Variants in SLC35F2 observed in about 807,000 individuals in gnomAD.
SLC35F2 encodes the protein queuine/queuosine transporter SLC35F2.
A neutral mutation model predicts 38.1 loss-of-function variants in SLC35F2; 25 were observed. The ratio of observed to expected loss-of-function variants is 0.66; its 90% CI spans 0.48 to 0.92. The LOEUF is 0.92. Ranked by LOEUF, SLC35F2 falls within the 40% of genes least tolerant of loss-of-function variation. SLC35F2 has a pLI of 0.00. For synonymous variants in SLC35F2, 173 were observed against 181.7 expected, an observed-to-expected ratio of 0.95 and a Z score of 0.38; for missense variants, 409 against 452.9, an observed-to-expected ratio of 0.90 and a Z score of 0.88.
At position 107,831,340 on chromosome 11, in the gene SLC35F2, C is replaced by A. The variant is rs76920397; in HGVS notation, c.111-15375G>T. On this transcript the variant is annotated intron_variant, in intron 1 of 7. Transcript: ENST00000525815. ...GTGATAGTATTTGCTCCCATCTCAG[C>A]CTACCACATAGCTGGGACTACAGGC... 3.4e-3 allele frequency among the ~76,000 whole-genome samples: 525 copies of A among 152,298 alleles called. 1 individual carries two copies. The highest frequency in any genetic ancestry group is 0.012 in the African/African-American group (499 of 41,564).
intron 1 of SLC35F2, among the ~76,000 whole-genome samples, chr11:107,828,433 CAAAA>C (rs201937489): frequency 2.3e-5 from 2 of 88,518 alleles, no homozygotes; most frequent in East Asian, 3.5e-4. Context: ...AACTCCATCT[CAAAA>C]AAAAAAAAAA....
intron 7 of SLC35F2, among the ~76,000 whole-genome samples, chr11:107,800,910 T>A (rs545171881): frequency 6.8e-6 from 1 of 148,078 alleles, no homozygotes; most frequent in East Asian, 2.0e-4. Context: ...CTACTTTTTT[T>A]TTTTTTTTTT....
intron 1 of SLC35F2, 50 bp from the exon 2 acceptor site, chr11:107,816,015 TACACACACACAC>T (rs370565333): frequency 5.4e-5 from 66 of 1,228,810 alleles, no homozygotes; most frequent in Middle Eastern, 5.2e-4. Context: ...AGTTATACCT[TACACACACACAC>T]ACACACACAC....
rs112285732 is a variant in SLC35F2, at chr11:107,791,603, G to A, written c.*1012C>T. Reference sequence around the variant, plus strand: ...CAAACAAACAAACAGGCCAGGCACAGTGGTTCACATCTGTAATCCTAGCAC... The same window carrying A: ...CAAACAAACAAACAGGCCAGGCACAATGGTTCACATCTGTAATCCTAGCAC... On this transcript the variant is annotated 3_prime_UTR_variant, in exon 8 of 8. Coordinates refer to ENST00000525815, the MANE Select transcript of SLC35F2 (RefSeq NM_017515.5). 31 of 152,368 alleles carry A rather than the reference G, an allele frequency of 2.0e-4. No individual in the cohort carries two copies. The highest frequency in any genetic ancestry group is 7.5e-4 in the African/African-American group (31 of 41,570). The allele number at this position is 152,368 out of a possible 1,614,324, so 9.4% of individuals were successfully genotyped here. A position where few individuals can be genotyped will look rare whatever the true frequency, so the allele number is the denominator to read the frequency against.
Position 107,815,175 on chromosome 11 carries a change from T to C in SLC35F2, c.286+615A>G, listed in dbSNP as rs553618937. On this transcript the variant is annotated intron_variant, in intron 2 of 7. Coordinates refer to ENST00000525815, the MANE Select transcript of SLC35F2 (RefSeq NM_017515.5). ...TAAATATTTTGGAGAGTAAGGTTCT[T>C]GACTTTAAGTGTTTTTAATATCATC... Among the ~76,000 whole-genome samples, 3 of 151,024 alleles carry C rather than the reference T, an allele frequency of 2.0e-5. No individual in the cohort carries two copies. The South Asian group carries it at 6.2e-4, about 31-fold the overall frequency.
At chr11:107,804,906 C>A in intron 5 of SLC35F2, 136 bp from the exon 6 acceptor site, 1 of 1,154,022 alleles carries the variant, frequency 8.7e-7, no homozygotes, top group Non-Finnish European at 1.2e-6. Flanking sequence ...ATAAAAATAA[C>A]GATCTTTAAT....
intron 1 of SLC35F2, among the ~76,000 whole-genome samples, chr11:107,819,441 A>G (rs1311511303): frequency 1.3e-5 from 2 of 152,206 alleles, no homozygotes; most frequent in Admixed American, 6.5e-5. Flanking sequence ...CCTCCCCTAC[A>G]GGTAGCATTC....
At chr11:107,829,200 C>T (rs1446866135) in intron 1 of SLC35F2, among the ~76,000 whole-genome samples, 1 of 151,574 alleles carries the variant, frequency 6.6e-6, no homozygotes, top group Non-Finnish European at 1.5e-5. Flanking sequence ...GGGCCAATCA[C>T]CTGAGGTCAG....
intron 1 of SLC35F2, among the ~76,000 whole-genome samples, chr11:107,841,032 G>T (rs1166956269): frequency 6.6e-6 from 1 of 152,062 alleles, no homozygotes; most frequent in Non-Finnish European, 1.5e-5. Context: ...CCTTAAACTA[G>T]CTTCAACTTC....
chr11:107,817,529 T>C (rs1043787177), intron 1 of SLC35F2, among the ~76,000 whole-genome samples: 4 of 152,080 alleles, frequency 2.6e-5, no homozygotes, highest in South Asian at 2.1e-4. Context: ...AGTGTTAATA[T>C]GATGAGATCA....
intron 6 of SLC35F2, 46 bp from the exon 7 acceptor site, chr11:107,803,201 T>A (rs765894147): frequency 6.4e-6 from 10 of 1,550,928 alleles, no homozygotes; most frequent in Non-Finnish European, 8.7e-6. Context: ...CAAGAAAACA[T>A]AAGACAAAGG....
intron 1 of SLC35F2, among the ~76,000 whole-genome samples, chr11:107,830,270 T>C (rs944337125): frequency 2.0e-5 from 3 of 152,120 alleles, no homozygotes; most frequent in African/African-American, 7.2e-5. Flanking sequence ...TATTTATGCA[T>C]TTAAAAACAT....
At chr11:107,846,186 C>T (rs1036804296) in intron 1 of SLC35F2, among the ~76,000 whole-genome samples, 2 of 150,262 alleles carry the variant, frequency 1.3e-5, no homozygotes, top group Non-Finnish European at 3.0e-5. Flanking sequence ...AGAAAGAACA[C>T]AGGGTTCCAG....
At chr11:107,822,382 AT>A (rs976378048) in intron 1 of SLC35F2, among the ~76,000 whole-genome samples, 2 of 152,190 alleles carry the variant, frequency 1.3e-5, no homozygotes, top group African/African-American at 2.4e-5. Context: ...ATGAAAATAT[AT>A]TTTTATTTAC....
At chr11:107,844,523 G>A (rs1860070291) in intron 1 of SLC35F2, among the ~76,000 whole-genome samples, 1 of 119,614 alleles carries the variant, frequency 8.4e-6, no homozygotes. Flanking sequence ...TACTCAGGAG[G>A]CGGAAGCAGA....
At position 107,843,857 on chromosome 11, in the gene SLC35F2, AAAAAAAAAAAAATATATATAT is replaced by A. The variant is rs1439240036; in HGVS notation, c.110+14780_110+14800del. On this transcript the variant is annotated intron_variant, in intron 1 of 7. Coordinates refer to ENST00000525815, the MANE Select transcript of SLC35F2 (RefSeq NM_017515.5). ...GAGACTCTGTATCTTAAAAAAAAAA[AAAAAAAAAAAAATATATATAT>A]ATATATATATATATATATATATATA... Among the ~76,000 whole-genome samples, 90 of 43,010 alleles carry A rather than the reference AAAAAAAAAAAAATATATATAT, an allele frequency of 2.1e-3. 1 individual carries two copies. The highest frequency in any genetic ancestry group is 6.6e-3 in the African/African-American group (74 of 11,212). 28.2% of individuals were successfully genotyped at this position (43,010 alleles called of 152,430 possible). A position where few individuals can be genotyped will look rare whatever the true frequency, so the allele number is the denominator to read the frequency against.
chr11:107,852,297 A>G (rs1370852344), intron 1 of SLC35F2, among the ~76,000 whole-genome samples: 1 of 152,198 alleles, frequency 6.6e-6, no homozygotes, highest in African/African-American at 2.4e-5. Flanking sequence ...CACGCCTGTA[A>G]TCCCAACACT....
At chr11:107,811,075 G>A (rs970130823) in intron 3 of SLC35F2, 17 of 984,962 alleles carry the variant, frequency 1.7e-5, no homozygotes, top group Middle Eastern at 5.2e-4. Context: ...GTGAGTCAGT[G>A]TTAGGAAACA....
intron 1 of SLC35F2, among the ~76,000 whole-genome samples, chr11:107,849,641 G>GGA (rs1565442541): frequency 5.1e-5 from 7 of 138,590 alleles, no homozygotes; most frequent in Non-Finnish European, 4.6e-5. Flanking sequence ...TCCGTTTTGG[G>GGA]AAAAAAAAAA....
Sources: allele counts gnomAD v4.1 joint callset (sites outside exome capture counted in the v4.1 genomes callset), GRCh38; gene constraint gnomAD v4.1.1; transcripts MANE v1.5; gene names NCBI Gene and HGNC (gene_info 2026-07-23, HGNC 2026-07-21).